The following COL22A1 variants were observed in gnomAD, a reference collection of about 807,000 sequenced individuals.
COL22A1 encodes the protein collagen alpha-1(XXII) chain.
COL22A1 carries 221 observed loss-of-function variants against 248.9 expected under a neutral mutation model. That is an observed-to-expected ratio of 0.89 (90% confidence interval 0.80 to 0.99). The LOEUF is 0.99. Among genes scored for constraint, COL22A1 ranks in the 50% least tolerant of loss-of-function variants. The probability of loss-of-function intolerance (pLI) is 0.00; values close to 1 mark genes in which losing one functional copy is unlikely to be tolerated. For missense variants in COL22A1, 2,240 were observed against 2,179.0 expected, an observed-to-expected ratio of 1.03 and a Z score of -0.56; for synonymous variants, 891 against 793.4, an observed-to-expected ratio of 1.12 and a Z score of -2.07.
At chr8:138,640,040 C>T (rs1455068026) in intron 47 of COL22A1, among the ~76,000 whole-genome samples, 4 of 152,190 alleles carry the variant, frequency 2.6e-5, no homozygotes, top group Admixed American at 6.5e-5. Flanking sequence ...CTTGACAACA[C>T]GTATGTGATA....
intron 31 of COL22A1, among the ~76,000 whole-genome samples, chr8:138,702,300 C>G (rs77159595): frequency 1.1e-4 from 17 of 152,170 alleles, no homozygotes; most frequent in Admixed American, 6.5e-5. Context: ...AGTTGTGATC[C>G]CAATTTCTTC....
chr8:138,613,950 CA>C, intron 55 of COL22A1, 30 bp from the exon 56 acceptor site: 1 of 1,561,080 alleles, frequency 6.4e-7, no homozygotes, highest in Non-Finnish European at 8.8e-7. Flanking sequence ...ATGGTGTCAT[CA>C]TCAAGTCACT....
chr8:138,761,042 C>T (rs898144685), intron 17 of COL22A1, among the ~76,000 whole-genome samples: 2 of 152,284 alleles, frequency 1.3e-5, no homozygotes, highest in East Asian at 1.9e-4. Flanking sequence ...CATAGACATG[C>T]GTTCAAGGAT....
At chr8:138,705,796 G>A (rs1218006379) in intron 30 of COL22A1, among the ~76,000 whole-genome samples, 1 of 152,132 alleles carries the variant, frequency 6.6e-6, no homozygotes, top group African/African-American at 2.4e-5. Context: ...AACCTTAAAT[G>A]TAAATGGGCT....
At chr8:138,703,472 T>A in intron 30 of COL22A1, 125 bp from the exon 31 acceptor site, 1 of 793,098 alleles carries the variant, frequency 1.3e-6, no homozygotes, top group Non-Finnish European at 2.1e-6. Flanking sequence ...AGGGTGCAGG[T>A]AGGTGCACCC....
chr8:138,772,786 C>G (rs1181117362), intron 16 of COL22A1, among the ~76,000 whole-genome samples: 1 of 152,126 alleles, frequency 6.6e-6, no homozygotes, highest in African/African-American at 2.4e-5. Flanking sequence ...TTGCTTGGAC[C>G]CGGGAGGTGG....
chr8:138,770,403 A>T (rs1156489939), intron 16 of COL22A1, among the ~76,000 whole-genome samples: 2 of 152,184 alleles, frequency 1.3e-5, no homozygotes, highest in Non-Finnish European at 2.9e-5. Flanking sequence ...ATGCCTCCAG[A>T]GCCTTCAGTT....
chr8:138,607,900 C>G (rs1818549869), intron 57 of COL22A1, 36 bp downstream of exon 57: 1 of 1,606,578 alleles, frequency 6.2e-7, no homozygotes, highest in African/African-American at 1.3e-5. Context: ...CAAAGCCCAC[C>G]CTGATGCCAT....
Position 138,844,137 on chromosome 8 carries a change from C to A in COL22A1, c.680G>T (p.Arg227Leu), listed in dbSNP as rs551462454. 1 of 1,614,126 alleles carries A rather than the reference C, an allele frequency of 6.2e-7. No homozygotes were observed. The highest frequency in any genetic ancestry group is 1.7e-5 in the Admixed American group (1 of 60,030). The change falls in exon 4 of 65, where the codon CGT becomes CTT. Residue 227 changes from arginine to leucine, a missense_variant. Transcript: ENST00000303045. Reference sequence around the variant, plus strand: ...GTGCTTAAAGCGATCTCCTTCTACACGAACGCTAGGACAGAGCACATCTGA... The same window carrying A: ...GTGCTTAAAGCGATCTCCTTCTACAAGAACGCTAGGACAGAGCACATCTGA... ...LCENVLCPSV[R>L]VEGDRFKHTN... is the part of the protein sequence containing the mutation.
At chr8:138,765,711 G>C (rs891675854) in intron 16 of COL22A1, among the ~76,000 whole-genome samples, 1 of 152,244 alleles carries the variant, frequency 6.6e-6, no homozygotes, top group African/African-American at 2.4e-5. Flanking sequence ...CCCAGAGAAA[G>C]AGAGAGAGCC....
intron 61 of COL22A1, among the ~76,000 whole-genome samples, chr8:138,598,130 A>T (rs1817690860): frequency 6.6e-6 from 1 of 152,234 alleles, no homozygotes; most frequent in Non-Finnish European, 1.5e-5. Flanking sequence ...TGCCTGTGTC[A>T]TGAGATTGTG....
intron 4 of COL22A1, among the ~76,000 whole-genome samples, chr8:138,834,412 T>C (rs1820280978): frequency 6.6e-6 from 1 of 152,046 alleles, no homozygotes; most frequent in Non-Finnish European, 1.5e-5. Context: ...CTTAGCCTCT[T>C]TTACCACTAA....
intron 32 of COL22A1, among the ~76,000 whole-genome samples, chr8:138,699,151 G>A (rs955376689): frequency 6.6e-6 from 1 of 152,048 alleles, no homozygotes; most frequent in Non-Finnish European, 1.5e-5. Flanking sequence ...GCTCTTTCCC[G>A]CAGACGCCTC....
intron 1 of COL22A1, among the ~76,000 whole-genome samples, chr8:138,893,746 A>C (rs1417149852): frequency 6.6e-6 from 1 of 152,240 alleles, no homozygotes; most frequent in African/African-American, 2.4e-5. Context: ...TCTGTAACTC[A>C]ATCATGCCCT....
chr8:138,680,289 G>C (rs1277511885), intron 39 of COL22A1, among the ~76,000 whole-genome samples: 1 of 152,154 alleles, frequency 6.6e-6, no homozygotes, highest in African/African-American at 2.4e-5. Context: ...TAAGATCATA[G>C]ATCTCCTGAG....
intron 8 of COL22A1, among the ~76,000 whole-genome samples, chr8:138,812,578 T>C (rs1277524740): frequency 6.6e-6 from 1 of 152,092 alleles, no homozygotes; most frequent in Non-Finnish European, 1.5e-5. Flanking sequence ...CCTCCCTGTC[T>C]TGCTGACCAG....
At chr8:138,731,622 G>A (rs933696936) in intron 23 of COL22A1, among the ~76,000 whole-genome samples, 1 of 152,002 alleles carries the variant, frequency 6.6e-6, no homozygotes, top group African/African-American at 2.4e-5. Flanking sequence ...TATTTGATGT[G>A]TTTAGTTAAA....
At chr8:138,851,997 G>A (rs1821677609) in intron 3 of COL22A1, among the ~76,000 whole-genome samples, 1 of 152,114 alleles carries the variant, frequency 6.6e-6, no homozygotes, top group Admixed American at 6.5e-5. Context: ...GGAGGTGTTG[G>A]ATGTCTCTAC....
At chr8:138,640,886 T>C (rs1353390755) in intron 47 of COL22A1, among the ~76,000 whole-genome samples, 1 of 152,184 alleles carries the variant, frequency 6.6e-6, no homozygotes, top group African/African-American at 2.4e-5. Context: ...GAAAATTCAC[T>C]CAGCTAATAA....
Sources: allele counts gnomAD v4.1 joint callset (sites outside exome capture counted in the v4.1 genomes callset), GRCh38; gene constraint gnomAD v4.1.1; transcripts MANE v1.5; gene names NCBI Gene and HGNC (gene_info 2026-07-23, HGNC 2026-07-21).